The following DOCK1 variants were observed in gnomAD, a reference collection of about 807,000 sequenced individuals.
DOCK1 encodes dedicator of cytokinesis protein 1.
DOCK1 carries 138 observed loss-of-function variants against 262.7 expected under a neutral mutation model. The ratio of observed to expected loss-of-function variants is 0.53; its 90% CI spans 0.46 to 0.61. DOCK1 has a LOEUF of 0.61. Among genes scored for constraint, DOCK1 ranks in the 20% least tolerant of loss-of-function variants. DOCK1 has a pLI of 0.00. For missense variants in DOCK1, 1,908 were observed against 2,370.7 expected (o/e 0.80, Z 4.05); for synonymous variants, 866 against 867.4 (o/e 1.00, Z 0.03).
chr10:127,260,707 C>CTG (rs1222549928), intron 29 of DOCK1, among the ~76,000 whole-genome samples: 6 of 126,686 alleles, frequency 4.7e-5, no homozygotes, highest in African/African-American at 1.9e-4. Context: ...TCGTGCTCAT[C>CTG]TGTGTGTCCT....
At chr10:127,382,866 G>A (rs1306847833) in intron 37 of DOCK1, among the ~76,000 whole-genome samples, 1 of 152,212 alleles carries the variant, frequency 6.6e-6, no homozygotes, top group Non-Finnish European at 1.5e-5. Context: ...AGATGGGTTT[G>A]TCACAAACTG....
intron 29 of DOCK1, among the ~76,000 whole-genome samples, chr10:127,264,865 C>T (rs77850372): frequency 0.024 from 3,624 of 152,232 alleles, 130 homozygotes; most frequent in African/African-American, 0.083. Flanking sequence ...GATGGGGTTT[C>T]GCCATATGGC....
intron 29 of DOCK1, among the ~76,000 whole-genome samples, chr10:127,271,298 T>C (rs1564954396): frequency 6.6e-6 from 1 of 152,180 alleles, no homozygotes; most frequent in Non-Finnish European, 1.5e-5. Flanking sequence ...AAAATAAAAT[T>C]ATCTTCAAAA....
chr10:127,332,438 TG>T (rs1421051550), intron 29 of DOCK1, among the ~76,000 whole-genome samples: 2 of 152,192 alleles, frequency 1.3e-5, no homozygotes, highest in African/African-American at 4.8e-5. Context: ...TGAAATCTTT[TG>T]GCTTCCCTGC....
At chr10:127,369,655 A>G (rs61870295) in intron 33 of DOCK1, among the ~76,000 whole-genome samples, 9,615 of 152,292 alleles carry the variant, frequency 0.063, 331 homozygotes, top group African/African-American at 0.073. Flanking sequence ...GCAGCCATGC[A>G]TCCCCAGCCA....
At chr10:127,439,794 A>G (rs11815834) in intron 49 of DOCK1, among the ~76,000 whole-genome samples, 45,213 of 151,878 alleles carry the variant, frequency 0.3, 6,941 homozygotes, top group East Asian at 0.39. Context: ...GGGACTTCAC[A>G]TGACCCGTAC....
chr10:127,187,929 AC>A (rs762836682), intron 27 of DOCK1, among the ~76,000 whole-genome samples: 4 of 152,210 alleles, frequency 2.6e-5, no homozygotes, highest in Non-Finnish European at 5.9e-5. Context: ...ATAAAGAACC[AC>A]TGGCCTTCTT....
At chr10:127,015,448 C>G (rs2041799404) in intron 12 of DOCK1, among the ~76,000 whole-genome samples, 1 of 152,154 alleles carries the variant, frequency 6.6e-6, no homozygotes, top group Non-Finnish European at 1.5e-5. Flanking sequence ...AGGTCTCTGT[C>G]CCCTTGTGAG....
intron 19 of DOCK1, among the ~76,000 whole-genome samples, chr10:127,040,041 G>A (rs529833240): frequency 6.6e-6 from 1 of 152,258 alleles, no homozygotes; most frequent in East Asian, 1.9e-4. Context: ...CTGTGGTTCT[G>A]TTTCTGTGCC....
chr10:126,948,839 A>T (rs1317044650), intron 1 of DOCK1, among the ~76,000 whole-genome samples: 1 of 151,850 alleles, frequency 6.6e-6, no homozygotes, highest in Non-Finnish European at 1.5e-5. Flanking sequence ...CTTGCCCCCT[A>T]TGCCTTTCCT....
At chr10:127,328,903 C>T (rs2062856942) in intron 29 of DOCK1, among the ~76,000 whole-genome samples, 2 of 151,558 alleles carry the variant, frequency 1.3e-5, no homozygotes, top group African/African-American at 4.8e-5. Context: ...CTCTTTCCTT[C>T]TTGTGTTTTT....
At chr10:127,268,719 G>T (rs1474100346) in intron 29 of DOCK1, among the ~76,000 whole-genome samples, 1 of 152,042 alleles carries the variant, frequency 6.6e-6, no homozygotes, top group Non-Finnish European at 1.5e-5. Flanking sequence ...ATTGGAGGTG[G>T]TTTCCCCAAG....
intron 23 of DOCK1, among the ~76,000 whole-genome samples, chr10:127,104,581 G>A (rs1279539414): frequency 6.6e-6 from 1 of 152,176 alleles, no homozygotes; most frequent in Non-Finnish European, 1.5e-5. Context: ...GAGAACAATT[G>A]TAAAAATTGT....
intron 49 of DOCK1, 115 bp from the exon 50 acceptor site, chr10:127,444,011 T>A: frequency 7.4e-7 from 1 of 1,354,874 alleles, no homozygotes; most frequent in Non-Finnish European, 1.0e-6. Flanking sequence ...CTATTTCCAG[T>A]TAAGGTCATA....
chr10:127,156,510 C>CT (rs1293085809), intron 27 of DOCK1, among the ~76,000 whole-genome samples: 2 of 148,274 alleles, frequency 1.3e-5, no homozygotes, highest in Non-Finnish European at 3.0e-5. Flanking sequence ...CTTTTCTTCT[C>CT]TTTTCTTTAC....
chr10:127,444,971 A>G (rs1002152087), intron 50 of DOCK1, among the ~76,000 whole-genome samples: 2 of 151,858 alleles, frequency 1.3e-5, no homozygotes, highest in African/African-American at 4.8e-5. Context: ...TCTTCTTACA[A>G]GGACATCAGT....
chr10:127,203,642 A>T (rs1477058065), intron 27 of DOCK1, among the ~76,000 whole-genome samples: 1 of 54,518 alleles, frequency 1.8e-5, no homozygotes, highest in African/African-American at 7.7e-5. Flanking sequence ...GTTTTCCGTA[A>T]ACGTTTTTTT....
At chr10:126,996,239 G>C (rs1325039028) in intron 6 of DOCK1, among the ~76,000 whole-genome samples, 1 of 151,832 alleles carries the variant, frequency 6.6e-6, no homozygotes, top group East Asian at 1.9e-4. Flanking sequence ...AATTAGCCGG[G>C]TGTGGTGGCA....
chr10:127,440,482 A>G (rs1174579065), intron 49 of DOCK1, among the ~76,000 whole-genome samples: 4 of 152,228 alleles, frequency 2.6e-5, no homozygotes, highest in Non-Finnish European at 5.9e-5. Flanking sequence ...ATGGGCTGTC[A>G]GCATCAAAGG....
Sources: gnomAD v4.1 joint callset for allele counts (sites outside exome capture counted in the v4.1 genomes callset) on GRCh38, gnomAD v4.1.1 for gene constraint, MANE v1.5 for transcripts, NCBI Gene and HGNC (gene_info 2026-07-23, HGNC 2026-07-21) for gene names.